The following DGKB variants were observed in gnomAD, a reference collection of about 807,000 sequenced individuals.
DGKB encodes the protein 90 kDa diacylglycerol kinase.
A neutral mutation model predicts 114.3 loss-of-function variants in DGKB; 67 were observed. The ratio of observed to expected loss-of-function variants is 0.59; its 90% CI spans 0.48 to 0.72. The LOEUF is 0.72. Among genes scored for constraint, DGKB ranks in the 30% least tolerant of loss-of-function variants. The pLI, the probability that DGKB is intolerant of heterozygous loss-of-function variation, is 0.00. For missense variants in DGKB, 907 were observed against 975.2 expected (o/e 0.93, Z 0.93); for synonymous variants, 398 against 323.1 (o/e 1.23, Z -2.49).
chr7:14,585,957 G>C (rs1457342430), intron 17 of DGKB, among the ~76,000 whole-genome samples: 1 of 152,040 alleles, frequency 6.6e-6, no homozygotes, highest in Non-Finnish European at 1.5e-5. Context: ...GTCTCTCTTT[G>C]TGTCCTCAGG....
At chr7:14,554,267 T>C (rs1367190647) in intron 20 of DGKB, among the ~76,000 whole-genome samples, 2 of 152,200 alleles carry the variant, frequency 1.3e-5, no homozygotes, top group African/African-American at 4.8e-5. Flanking sequence ...TGTTGAGTGT[T>C]GTAAGAGCTT....
intron 1 of DGKB, among the ~76,000 whole-genome samples, chr7:14,886,555 C>T (rs574160726): frequency 2.0e-5 from 3 of 152,014 alleles, no homozygotes; most frequent in South Asian, 2.1e-4. Flanking sequence ...TTTTCTACAT[C>T]ATTTCCTCAT....
At chr7:14,463,219 A>G (rs1833346290) in intron 21 of DGKB, among the ~76,000 whole-genome samples, 1 of 152,024 alleles carries the variant, frequency 6.6e-6, no homozygotes, top group Non-Finnish European at 1.5e-5. Context: ...AGGGAGGGGA[A>G]CATCACATAT....
chr7:14,351,902 T>G (rs1336502756), intron 21 of DGKB, among the ~76,000 whole-genome samples: 2 of 152,188 alleles, frequency 1.3e-5, no homozygotes, highest in African/African-American at 4.8e-5. Context: ...ATGTGTACTT[T>G]TTTTTGGAGT....
intron 23 of DGKB, among the ~76,000 whole-genome samples, chr7:14,315,904 G>A (rs1407732186): frequency 6.6e-6 from 1 of 151,500 alleles, no homozygotes; most frequent in African/African-American, 2.4e-5. Context: ...CTCAGCAAAT[G>A]TAAAAGAACA....
chr7:14,906,617 C>T (rs917243103), upstream of DGKB, among the ~76,000 whole-genome samples: 9 of 152,004 alleles, frequency 5.9e-5, no homozygotes, highest in African/African-American at 2.2e-4. Flanking sequence ...CCATGCCCAG[C>T]TAATTTTTGT....
intron 1 of DGKB, among the ~76,000 whole-genome samples, chr7:14,870,444 T>C (rs1299686529): frequency 1.3e-5 from 2 of 152,208 alleles, no homozygotes; most frequent in African/African-American, 4.8e-5. Context: ...TCTCTAATTA[T>C]GGAAATCCTG....
intron 1 of DGKB, among the ~76,000 whole-genome samples, chr7:14,929,022 T>C (rs1015131615): frequency 6.1e-5 from 9 of 146,750 alleles, no homozygotes; most frequent in Admixed American, 2.1e-4. Context: ...GCATTGTGTA[T>C]ACACACACAC....
At chr7:14,343,157 CCACACACACACACACACACA>C (rs3067654) in intron 22 of DGKB, among the ~76,000 whole-genome samples, 2 of 132,920 alleles carry the variant, frequency 1.5e-5, no homozygotes, top group African/African-American at 2.9e-5. Flanking sequence ...GCCTAGCTAT[CCACACACACACACACACACA>C]CACACACACA....
intron 1 of DGKB, among the ~76,000 whole-genome samples, chr7:14,919,094 A>AC (rs1491494072): frequency 0.13 from 17,531 of 129,982 alleles, 1,713 homozygotes; most frequent in East Asian, 0.66. Context: ...ACACACACAC[A>AC]AACACACACA....
chr7:14,722,997 C>CTTTATTTATTTATTTATTTATTTA (rs61621101), intron 5 of DGKB, among the ~76,000 whole-genome samples: 233 of 148,056 alleles, frequency 1.6e-3, no homozygotes, highest in African/African-American at 5.5e-3. Context: ...CTACTCTACC[C>CTTTATTTATTTATTTATTTATTTA]TTTATTTATT....
intron 6 of DGKB, among the ~76,000 whole-genome samples, chr7:14,705,171 T>C (rs1825970881): frequency 6.6e-6 from 1 of 151,902 alleles, no homozygotes; most frequent in African/African-American, 2.4e-5. Flanking sequence ...ACGTGAAGAA[T>C]GCAGAAGCCT....
intron 1 of DGKB, among the ~76,000 whole-genome samples, chr7:14,872,460 A>G (rs1414614880): frequency 1.3e-5 from 2 of 152,208 alleles, no homozygotes; most frequent in African/African-American, 4.8e-5. Flanking sequence ...CAGAATTTAC[A>G]GAAAGTAACT....
intron 2 of DGKB, among the ~76,000 whole-genome samples, chr7:14,808,637 T>C (rs7807383): frequency 0.11 from 17,183 of 151,916 alleles, 1,192 homozygotes; most frequent in African/African-American, 0.2. Flanking sequence ...GCAGAAGAGA[T>C]TGCAAAAAAA....
At chr7:14,805,281 C>G (rs1028677077) in intron 2 of DGKB, among the ~76,000 whole-genome samples, 3 of 152,118 alleles carry the variant, frequency 2.0e-5, no homozygotes, top group Admixed American at 1.3e-4. Flanking sequence ...AATATGCCAT[C>G]TACACATTGC....
chr7:14,567,798 G>A lies in DGKB; in HGVS notation c.1770+6414C>T, dbSNP rs572282493. The stretch of plus-strand genomic sequence containing the variant: ...ATTTTTGTATTTTTAGTAGAGGTGC[G>A]GTTTTACCATGTTGACCAGGCTGGC... On this transcript the variant is annotated intron_variant, in intron 20 of 25. Coordinates refer to ENST00000402815, the MANE Select transcript of DGKB (RefSeq NM_001350709.2). Among the ~76,000 whole-genome samples the A allele has an allele frequency of 1.3e-4, 19 of 151,104 alleles. 1 individual carries two copies. The highest frequency in any genetic ancestry group is 4.1e-4 in the African/African-American group (17 of 41,108).
chr7:14,534,563 C>G (rs1394615153), intron 20 of DGKB, among the ~76,000 whole-genome samples: 2 of 151,742 alleles, frequency 1.3e-5, no homozygotes, highest in Non-Finnish European at 2.9e-5. Flanking sequence ...AAAACAGGAC[C>G]CAACTAGATT....
intron 9 of DGKB, among the ~76,000 whole-genome samples, chr7:14,690,238 G>C (rs143917429): frequency 3.9e-4 from 60 of 152,324 alleles, no homozygotes; most frequent in African/African-American, 1.4e-3. Context: ...AACTGAAAGA[G>C]TATTAGGAAA....
intron 23 of DGKB, among the ~76,000 whole-genome samples, chr7:14,255,173 G>T (rs1795783520): frequency 6.6e-6 from 1 of 152,156 alleles, no homozygotes; most frequent in African/African-American, 2.4e-5. Flanking sequence ...TGGGTAAGAA[G>T]TATTTGTAAT....
Sources: gnomAD v4.1 joint callset for allele counts (sites outside exome capture counted in the v4.1 genomes callset) on GRCh38, gnomAD v4.1.1 for gene constraint, MANE v1.5 for transcripts, NCBI Gene and HGNC (gene_info 2026-07-23, HGNC 2026-07-21) for gene names.